The following MAGI3 variants were observed in gnomAD, a reference collection of about 807,000 sequenced individuals.
MAGI3 encodes the protein membrane-associated guanylate kinase, WW and PDZ domain-containing protein 3.
Under a neutral mutation model 121.8 loss-of-function variants are expected in MAGI3, and 43 were observed. That is an observed-to-expected ratio of 0.35 (90% CI 0.28 to 0.46). The LOEUF (loss-of-function observed/expected upper bound fraction) is 0.46, where lower values mean the gene tolerates loss of function less well. MAGI3 is among the 20% of genes least tolerant of loss of function. MAGI3 has a pLI of 1.00. For missense variants in MAGI3, 1,547 were observed against 1,797.3 expected (o/e 0.86, Z 2.52); for synonymous variants, 553 against 639.3 (o/e 0.86, Z 2.04).
At chr1:113,394,508 A>G (rs1441864655) in intron 1 of MAGI3, among the ~76,000 whole-genome samples, 1 of 152,202 alleles carries the variant, frequency 6.6e-6, no homozygotes, top group Non-Finnish European at 1.5e-5. Context: ...GTGATATACT[A>G]CTATGACTAG....
chr1:113,505,828 A>C (rs779054261), intron 1 of MAGI3, among the ~76,000 whole-genome samples: 1 of 152,164 alleles, frequency 6.6e-6, no homozygotes, highest in Non-Finnish European at 1.5e-5. Flanking sequence ...TGAAGACCAG[A>C]GTGACTAAAG....
rs1469575430 is a variant in MAGI3, at chr1:113,683,731, T to C, written c.4163T>C (p.Val1388Ala). The C allele has an allele frequency of 6.3e-7, 1 of 1,598,796 alleles. No individual in the cohort carries two copies. Among genetic ancestry groups the C allele is most frequent in the Non-Finnish European group, 8.5e-7 (1 of 1,172,572 alleles). Residue 1388 changes from valine (V) to alanine (A), a missense_variant, in exon 21 of 21, where the codon GTA becomes GCA. Transcript: ENST00000307546. ...EVSENEKGKK[V>A]TTGETSSSND... ...TCTGAAAATGAAAAAGGAAAGAAAG[T>C]AACCACAGGAGAAACAAGTTCTAGT... is the stretch of plus-strand genomic sequence containing the variant.
intron 1 of MAGI3, among the ~76,000 whole-genome samples, chr1:113,426,353 A>G (rs936685665): frequency 6.6e-6 from 1 of 152,128 alleles, no homozygotes; most frequent in African/African-American, 2.4e-5. Context: ...ATTGGTGCTT[A>G]AAAAAAGGTA....
chr1:113,449,689 C>T lies in MAGI3; in HGVS notation c.316+58340C>T. ...TGAACTCGAGTTGGAAGAGGCGAGT[C>T]TGGTCTCAAAATGGAGGGCCATGAT... On this transcript the variant is annotated intron_variant, in intron 1 of 20. Transcript: ENST00000307546. 7 of 798,726 alleles carry T rather than the reference C, an allele frequency of 8.8e-6. No homozygotes were observed. In the South Asian group the frequency reaches 9.3e-5, roughly 11 times the overall value. The allele number at this position is 798,726 out of a possible 1,614,324, so 49.5% of individuals were successfully genotyped here. A position where few individuals can be genotyped will look rare whatever the true frequency, so the allele number is the denominator to read the frequency against.
chr1:113,636,605 A>T (rs1032151363), intron 9 of MAGI3, among the ~76,000 whole-genome samples: 1 of 151,960 alleles, frequency 6.6e-6, no homozygotes, highest in African/African-American at 2.4e-5. Context: ...GTTTGTTATA[A>T]TTTCTGTTCT....
intron 1 of MAGI3, among the ~76,000 whole-genome samples, chr1:113,416,162 T>TATTATGTAATTAATGACACATATTA (rs1557744014): frequency 4.3e-5 from 2 of 46,392 alleles, no homozygotes; most frequent in African/African-American, 8.3e-5. Flanking sequence ...TGACACATAT[T>TATTATGTAATTAATGACACATATTA]ATTATGTAAT....
chr1:113,671,380 G>A (rs765773892), intron 16 of MAGI3, among the ~76,000 whole-genome samples: 1 of 152,104 alleles, frequency 6.6e-6, no homozygotes, highest in African/African-American at 2.4e-5. Flanking sequence ...ATTATTAGGT[G>A]TGTGCTCTGG....
At chr1:113,536,050 C>T (rs182148533) in intron 1 of MAGI3, among the ~76,000 whole-genome samples, 1 of 151,786 alleles carries the variant, frequency 6.6e-6, no homozygotes, top group East Asian at 1.9e-4. Context: ...TCAAATGTAC[C>T]ACCAACTATT....
At chr1:113,439,462 C>G (rs1016631834) in intron 1 of MAGI3, among the ~76,000 whole-genome samples, 1 of 152,158 alleles carries the variant, frequency 6.6e-6, no homozygotes, top group Non-Finnish European at 1.5e-5. Flanking sequence ...TTTTAGCCTG[C>G]TCAGAGGTTA....
Position 113,407,373 on chromosome 1 carries a change from AC to A in MAGI3, c.316+16025del, listed in dbSNP as rs367651811. On this transcript the variant is annotated intron_variant, in intron 1 of 20. Transcript: ENST00000307546. ...TGATTGCAGGTAAGGAAGGGAGAGG[AC>A]TTCAAGAGAACCTCTAGGTTTTTGC... Among the ~76,000 whole-genome samples, 476 of 152,222 alleles carry A rather than the reference AC, an allele frequency of 3.1e-3. 3 individuals carry two copies. The highest frequency in any genetic ancestry group is 0.011 in the African/African-American group (450 of 41,556).
intron 2 of MAGI3, among the ~76,000 whole-genome samples, chr1:113,557,106 G>A (rs995966329): frequency 3.3e-5 from 5 of 151,788 alleles, no homozygotes; most frequent in African/African-American, 9.7e-5. Context: ...TCCAGCCTGC[G>A]GGCTTTGGAG....
At chr1:113,564,977 G>A (rs548323041) in intron 2 of MAGI3, among the ~76,000 whole-genome samples, 10 of 151,966 alleles carry the variant, frequency 6.6e-5, no homozygotes, top group African/African-American at 2.4e-4. Flanking sequence ...AGCCTCCTGA[G>A]TAGCTGGGAT....
chr1:113,526,047 C>T (rs2101633522), intron 1 of MAGI3, among the ~76,000 whole-genome samples: 1 of 152,064 alleles, frequency 6.6e-6, no homozygotes, highest in South Asian at 2.1e-4. Flanking sequence ...GTAGAATATT[C>T]CAAAAGATTA....
At chr1:113,636,143 G>A (rs1228357758) in intron 9 of MAGI3, among the ~76,000 whole-genome samples, 8 of 151,490 alleles carry the variant, frequency 5.3e-5, no homozygotes, top group East Asian at 1.9e-4. Context: ...TCTTGCTAGT[G>A]GTCGATCAAT....
intron 2 of MAGI3, among the ~76,000 whole-genome samples, chr1:113,551,146 T>C (rs1207537291): frequency 6.6e-6 from 1 of 152,184 alleles, no homozygotes; most frequent in Non-Finnish European, 1.5e-5. Flanking sequence ...GGCAAGTTAC[T>C]TAATGTTCCT....
At position 113,598,738 on chromosome 1, in the gene MAGI3, A is replaced by G. The variant is rs529041915; in HGVS notation, c.1018+4178A>G. Among the ~76,000 whole-genome samples, 4 of 152,306 alleles carry G rather than the reference A, an allele frequency of 2.6e-5. No individual in the cohort carries two copies. In the South Asian group the frequency reaches 6.2e-4, roughly 24 times the overall value. On this transcript the variant is annotated intron_variant, in intron 6 of 20. Coordinates refer to ENST00000307546, the MANE Select transcript of MAGI3 (RefSeq NM_001142782.2). ...AACACAATAATAGTAGGGGACTTCAACACTCCACTGACAGCACTAGATAGA... is the reference window on the plus strand; with the variant it reads ...AACACAATAATAGTAGGGGACTTCAGCACTCCACTGACAGCACTAGATAGA...
At chr1:113,667,414 T>C (rs1411639749) in intron 16 of MAGI3, among the ~76,000 whole-genome samples, 2 of 152,216 alleles carry the variant, frequency 1.3e-5, no homozygotes. Context: ...TTAAACCTCA[T>C]GAACCAGCTT....
At chr1:113,486,068 C>CT (rs1337933830) in intron 1 of MAGI3, among the ~76,000 whole-genome samples, 2 of 152,108 alleles carry the variant, frequency 1.3e-5, no homozygotes, top group Non-Finnish European at 2.9e-5. Context: ...TGACTATGGC[C>CT]TTATAGTGTA....
chr1:113,514,645 G>A (rs1247789640), intron 1 of MAGI3, among the ~76,000 whole-genome samples: 1 of 152,006 alleles, frequency 6.6e-6, no homozygotes, highest in East Asian at 1.9e-4. Context: ...GGGAGGGGGA[G>A]GGATAGCTTT....
Sources: allele counts gnomAD v4.1 joint callset (sites outside exome capture counted in the v4.1 genomes callset), GRCh38; gene constraint gnomAD v4.1.1; transcripts MANE v1.5; gene names NCBI Gene and HGNC (gene_info 2026-07-23, HGNC 2026-07-21).